Variants in HAUS8 observed in about 807,000 individuals in gnomAD.
HAUS8 encodes HAUS augmin like complex subunit 8, also known as HAUS augmin-like complex subunit 8.
A neutral mutation model predicts 42.9 loss-of-function variants in HAUS8; 38 were observed. That is an observed-to-expected ratio of 0.89 (90% CI 0.68 to 1.16). The LOEUF (loss-of-function observed/expected upper bound fraction) is 1.16, where lower values mean the gene tolerates loss of function less well. Among genes scored for constraint, HAUS8 ranks in the 50% most tolerant of loss-of-function variants. The pLI, the probability that HAUS8 is intolerant of heterozygous loss-of-function variation, is 0.00. For missense variants in HAUS8, 494 were observed against 511.6 expected (o/e 0.97, Z 0.33); for synonymous variants, 199 against 205.8 (o/e 0.97, Z 0.28).
Position 17,050,147 on chromosome 19 carries a change from G to A in HAUS8, c.959C>T (p.Ala320Val), listed in dbSNP as rs781130436. The change falls in exon 11 of 11, where the codon GCA (alanine) becomes GTA (valine). Residue 320 changes from alanine to valine, a missense_variant. Transcript: ENST00000253669. ...RSFAQVLELS[A>V]EASKEAALAN... ...CAAGGCTGCCTCTTTGCTTGCCTCT[G>A]CGGAGAGTTCCAGCACCTGGGCAAA... 8 of 1,538,652 alleles carry A rather than the reference G, an allele frequency of 5.2e-6. No homozygotes were observed. Among genetic ancestry groups the A allele is most frequent in the Non-Finnish European group, 7.0e-6 (8 of 1,142,150 alleles).
At chr19:17,073,362 T>C in intron 1 of HAUS8, 27 bp from the exon 2 acceptor site, 1 of 1,605,122 alleles carries the variant, frequency 6.2e-7, no homozygotes, top group Non-Finnish European at 8.5e-7. Context: ...AGAGGTCTTG[T>C]TCACCTCACT....
chr19:17,059,901 A>G (rs1452392987), intron 5 of HAUS8, 96 bp downstream of exon 5: 5 of 853,296 alleles, frequency 5.9e-6, no homozygotes, highest in Non-Finnish European at 1.0e-5. Context: ...GGTTTGTTGG[A>G]TGTGACCCCA....
intron 10 of HAUS8, among the ~76,000 whole-genome samples, chr19:17,051,122 G>A (rs2057284905): frequency 1.3e-5 from 2 of 152,094 alleles, no homozygotes; most frequent in South Asian, 4.2e-4. Flanking sequence ...AGGTAACTGG[G>A]TTCATGAACA....
intron 1 of HAUS8, chr19:17,073,713 A>G (rs563897906): frequency 8.6e-6 from 2 of 231,502 alleles, no homozygotes; most frequent in Non-Finnish European, 1.8e-5. Flanking sequence ...GGGAAGAACA[A>G]CATCTTGACA....
rs570083257 is a variant in HAUS8, at chr19:17,075,293, A to T, written c.29+101T>A. 2.1e-5 allele frequency: 28 copies of T among 1,347,886 alleles called. 1 individual carries two copies. In the Admixed American group the frequency reaches 4.2e-4, roughly 20 times the overall value. The allele number at this position is 1,347,886 out of a possible 1,614,324, so 83.5% of individuals were successfully genotyped here. On this transcript the variant is annotated intron_variant, in intron 1 of 10. Transcript: ENST00000253669. ...CCCGCGCAGTTCCTGGCGGGGTCGA[A>T]CCCGAACTCACCCCGAGGGTCCTAA...
intron 3 of HAUS8, among the ~76,000 whole-genome samples, chr19:17,064,294 CT>C (rs1326249650): frequency 4.6e-5 from 7 of 152,168 alleles, no homozygotes; most frequent in African/African-American, 1.7e-4. Flanking sequence ...GAAAGACTCG[CT>C]TTTATTAAGA....
chr19:17,069,515 C>G (rs929028468), intron 2 of HAUS8, among the ~76,000 whole-genome samples: 1 of 150,810 alleles, frequency 6.6e-6, no homozygotes, highest in Non-Finnish European at 1.5e-5. Context: ...ACCTTTTACT[C>G]CCCCCGCCCC....
At chr19:17,053,678 T>C (rs1197247761) in intron 9 of HAUS8, 1 of 152,050 alleles carries the variant, frequency 6.6e-6, no homozygotes, top group African/African-American at 2.4e-5. Context: ...TTTTTTTTTT[T>C]TTGAGACAGA....
chr19:17,058,927 C>G, intron 6 of HAUS8, 51 bp from the exon 7 acceptor site: 1 of 1,476,874 alleles, frequency 6.8e-7, no homozygotes, highest in South Asian at 1.2e-5. Context: ...GGTATAAATC[C>G]AGCTCTTTTC....
chr19:17,052,696 G>C, intron 10 of HAUS8, 129 bp downstream of exon 10: 1 of 893,452 alleles, frequency 1.1e-6, no homozygotes. Context: ...TGGGAAAAGA[G>C]CAGCTCGCTC....
In HAUS8 at chr19:17,050,312, T is replaced by C. The variant is rs566767539; in HGVS notation, c.930-136A>G. The C allele has an allele frequency of 7.9e-6, 4 of 504,246 alleles. No homozygotes were observed. The South Asian group carries it at 2.3e-4, about 29-fold the overall frequency. 31.2% of individuals were successfully genotyped at this position (504,246 alleles called of 1,614,324 possible). A position where few individuals can be genotyped will look rare whatever the true frequency, so the allele number is the denominator to read the frequency against. ...TGCTCAGTGGGAAAGGGCCAGCAAATAAGATCCGTCTGAAAAGACTCAATC... is the reference window on the plus strand; with the variant it reads ...TGCTCAGTGGGAAAGGGCCAGCAAACAAGATCCGTCTGAAAAGACTCAATC... On this transcript the variant is annotated intron_variant, in intron 10 of 10. Coordinates refer to ENST00000253669, the MANE Select transcript of HAUS8 (RefSeq NM_033417.2).
intron 1 of HAUS8, 62 bp downstream of exon 1, chr19:17,075,332 C>T: frequency 1.3e-6 from 2 of 1,586,658 alleles, no homozygotes; most frequent in Non-Finnish European, 1.7e-6. Flanking sequence ...CCCACCTCCG[C>T]TGCCCATCCT....
In HAUS8 at chr19:17,055,724, C is replaced by T. The variant is rs1194033960; in HGVS notation, c.787+137G>A. Reference sequence around the variant, plus strand: ...GGCGAGACCCTTGGAGGAACCACAGCCTGGCCAGCCCTCCCCATCCTCTGC... The same window carrying T: ...GGCGAGACCCTTGGAGGAACCACAGTCTGGCCAGCCCTCCCCATCCTCTGC... On this transcript the variant is annotated intron_variant, in intron 9 of 10. Coordinates refer to ENST00000253669, the MANE Select transcript of HAUS8 (RefSeq NM_033417.2). 1.5e-5 allele frequency: 14 copies of T among 923,988 alleles called. No homozygotes were observed. The African/African-American group carries it at 2.3e-4, about 15-fold the overall frequency. The allele number at this position is 923,988 out of a possible 1,614,324, so 57.2% of individuals were successfully genotyped here.
At chr19:17,057,834 T>C (rs970737019) in intron 8 of HAUS8, among the ~76,000 whole-genome samples, 2 of 151,938 alleles carry the variant, frequency 1.3e-5, no homozygotes, top group Non-Finnish European at 2.9e-5. Flanking sequence ...AGGGGGGTTG[T>C]AGGGGGGATG....
At chr19:17,066,080 C>T (rs117193992) in intron 3 of HAUS8, among the ~76,000 whole-genome samples, 1 of 152,000 alleles carries the variant, frequency 6.6e-6, no homozygotes, top group East Asian at 1.9e-4. Context: ...CTCAGCCTCC[C>T]GAGTAGCTGG....
At chr19:17,074,166 G>C (rs929196270) in intron 1 of HAUS8, 7 of 152,404 alleles carry the variant, frequency 4.6e-5, no homozygotes, top group Non-Finnish European at 8.8e-5. Context: ...GCCTGAGCTG[G>C]TGAGAAAAGA....
chr19:17,053,960 G>C (rs912639801), intron 9 of HAUS8, among the ~76,000 whole-genome samples: 1 of 152,160 alleles, frequency 6.6e-6, no homozygotes, highest in African/African-American at 2.4e-5. Flanking sequence ...ACCGTGCTGA[G>C]CCTGATGCAG....
chr19:17,059,961 C>A, intron 5 of HAUS8, 36 bp downstream of exon 5: 4 of 1,460,980 alleles, frequency 2.7e-6, no homozygotes, highest in Non-Finnish European at 3.8e-6. Flanking sequence ...CTGCAACCCC[C>A]AGTGAGTGAC....
In HAUS8 at chr19:17,052,854, C is replaced by T; in HGVS notation, c.900G>A (p.Val300=). The T allele has an allele frequency of 6.2e-7, 1 of 1,614,138 alleles. No individual in the cohort carries two copies. The highest frequency in any genetic ancestry group is 8.5e-7 in the Non-Finnish European group (1 of 1,180,026). Residue 300 remains valine (V), a synonymous_variant, in exon 10 of 11, where the codon GTG becomes GTA. Transcript: ENST00000253669. ...GGAGCTCAAGGTCCTTTTTCGCCGT[C>T]ACGTCCTTGAGTTCGCTCAGTAAGT... ...VLDLLSELKD[V]TAKKDLELRR...
Sources: allele counts gnomAD v4.1 joint callset (sites outside exome capture counted in the v4.1 genomes callset), GRCh38; gene constraint gnomAD v4.1.1; transcripts MANE v1.5; gene names NCBI Gene and HGNC (gene_info 2026-07-23, HGNC 2026-07-21).